CDC42BPA: variants seen among roughly 807,000 people sequenced by gnomAD.
The protein encoded by CDC42BPA is CDC42 binding protein kinase alpha.
A neutral mutation model predicts 223.5 loss-of-function variants in CDC42BPA; 80 were observed. The ratio of observed to expected loss-of-function variants is 0.36; its 90% CI spans 0.30 to 0.43. CDC42BPA has a LOEUF of 0.43. Ranked by LOEUF, CDC42BPA falls within the 20% of genes least tolerant of loss-of-function variation. The probability of loss-of-function intolerance (pLI) is 1.00; values close to 1 mark genes in which losing one functional copy is unlikely to be tolerated. For missense variants in CDC42BPA, 1,743 were observed against 2,099.9 expected, an observed-to-expected ratio of 0.83 and a Z score of 3.32; for synonymous variants, 694 against 718.6, an observed-to-expected ratio of 0.97 and a Z score of 0.55.
chr1:227,109,095 A>G (rs1572861477), intron 14 of CDC42BPA, among the ~76,000 whole-genome samples: 1 of 152,310 alleles, frequency 6.6e-6, no homozygotes, highest in East Asian at 1.9e-4. Flanking sequence ...TATGTCATAT[A>G]GAGCATTATG....
intron 2 of CDC42BPA, among the ~76,000 whole-genome samples, chr1:227,245,002 G>C (rs1338586899): frequency 2.0e-5 from 3 of 152,224 alleles, no homozygotes; most frequent in Non-Finnish European, 4.4e-5. Flanking sequence ...ACCCATCCCA[G>C]CAAGTCAGAA....
chr1:227,136,164 A>G (rs1008140253), intron 10 of CDC42BPA, among the ~76,000 whole-genome samples: 1 of 152,158 alleles, frequency 6.6e-6, no homozygotes, highest in Admixed American at 6.5e-5. Context: ...AAAAATACAT[A>G]AAAATATGGG....
At chr1:227,203,379 C>T (rs943246822) in intron 3 of CDC42BPA, among the ~76,000 whole-genome samples, 5 of 152,024 alleles carry the variant, frequency 3.3e-5, no homozygotes, top group South Asian at 2.1e-4. Context: ...ACACGACAAC[C>T]CCTCCAACAA....
chr1:227,294,042 C>T (rs1316157145), intron 1 of CDC42BPA, among the ~76,000 whole-genome samples: 3 of 151,940 alleles, frequency 2.0e-5, no homozygotes, highest in South Asian at 2.1e-4. Flanking sequence ...GAGGCTGAGG[C>T]GGGTGGATCA....
chr1:227,277,308 G>C (rs1687272127), intron 1 of CDC42BPA, among the ~76,000 whole-genome samples: 1 of 152,036 alleles, frequency 6.6e-6, no homozygotes, highest in South Asian at 2.1e-4. Context: ...GAAAACTCCA[G>C]AATGAGATGG....
At chr1:227,281,064 C>T (rs1687939880) in intron 1 of CDC42BPA, among the ~76,000 whole-genome samples, 1 of 152,182 alleles carries the variant, frequency 6.6e-6, no homozygotes, top group South Asian at 2.1e-4. Flanking sequence ...CCACATTCTC[C>T]CAAATTCCAA....
chr1:227,311,725 TA>T (rs55674142), intron 1 of CDC42BPA, among the ~76,000 whole-genome samples: 30,433 of 145,250 alleles, frequency 0.21, 3,070 homozygotes, highest in Middle Eastern at 0.27. Context: ...TACCCAATCA[TA>T]AAAAAAAAAA....
chr1:227,006,325 AG>A (rs1199266614), intron 34 of CDC42BPA, among the ~76,000 whole-genome samples: 1 of 152,080 alleles, frequency 6.6e-6, no homozygotes, highest in Non-Finnish European at 1.5e-5. Flanking sequence ...GCTGTTTGTG[AG>A]GGTGTGCCAT....
In CDC42BPA at chr1:227,112,754, T is replaced by G; in HGVS notation, c.1807A>C (p.Lys603Gln). The change falls in exon 13 of 37, where the codon AAG (lysine) becomes CAG (glutamine). Residue 603 changes from lysine (K) to glutamine (Q), a missense_variant. By Grantham distance (53) the Lys-to-Gln change is moderately conservative. This residue lies in a region of CDC42BPA where 464 missense variants were observed against 488.0 expected (regional missense o/e 0.95). Coordinates refer to ENST00000366766, the MANE Select transcript of CDC42BPA (RefSeq NM_001394014.1). ...KQKLARHVRD[K>Q]EEEVDLVMQK... ...ATCACCAGGTCCACCTCTTCTTCCTTATCTCGGACATGGCGAGCAAGTTTC... is the reference window on the plus strand; with the variant it reads ...ATCACCAGGTCCACCTCTTCTTCCTGATCTCGGACATGGCGAGCAAGTTTC... 1 of 1,614,124 alleles carries G rather than the reference T, an allele frequency of 6.2e-7. No individual in the cohort carries two copies. The highest frequency in any genetic ancestry group is 2.2e-5 in the East Asian group (1 of 44,882).
chr1:227,110,464 A>G (rs12127665), intron 14 of CDC42BPA, among the ~76,000 whole-genome samples: 21,372 of 152,152 alleles, frequency 0.14, 1,886 homozygotes, highest in South Asian at 0.34. Flanking sequence ...TTTATTGTAG[A>G]AAAAAATAAA....
At chr1:227,055,148 A>T (rs1321727313) in intron 21 of CDC42BPA, among the ~76,000 whole-genome samples, 1 of 152,040 alleles carries the variant, frequency 6.6e-6, no homozygotes, top group African/African-American at 2.4e-5. Context: ...AAAGGTGAAT[A>T]AACTCAGGGC....
Position 226,994,947 on chromosome 1 carries a change from C to T in CDC42BPA, c.5009G>A (p.Arg1670Lys). ...SSAQNGSALKREFSGGSYSAK... is the reference protein window; with the variant it reads ...SSAQNGSALKKEFSGGSYSAK... ...ACTGTAGCTTCCTCCAGAGAATTCC[C>T]TCTTTAATGCGCTGCCATTCTGTGC... The change falls in exon 36 of 37, where the codon AGG (arginine) becomes AAG (lysine). Residue 1670 changes from arginine to lysine, a missense_variant. This residue lies in a region of CDC42BPA where 200 missense variants were observed against 192.8 expected (regional missense o/e 1.04). Transcript: ENST00000366766. The surrounding 1 kb of genome is among the most constrained non-coding windows in gnomAD (Gnocchi z 4.0). 1 of 1,614,158 alleles carries T rather than the reference C, an allele frequency of 6.2e-7. No homozygotes were observed.
intron 1 of CDC42BPA, among the ~76,000 whole-genome samples, chr1:227,266,577 T>A (rs1214834266): frequency 6.6e-6 from 1 of 152,180 alleles, no homozygotes; most frequent in African/African-American, 2.4e-5. Flanking sequence ...TATAATTCTA[T>A]CCAGTGAAAG....
chr1:227,282,145 G>A (rs1278417174), intron 1 of CDC42BPA, among the ~76,000 whole-genome samples: 1 of 144,242 alleles, frequency 6.9e-6, no homozygotes, highest in African/African-American at 2.6e-5. Flanking sequence ...TCGAGATTGC[G>A]CCATTGCACT....
At chr1:227,266,545 A>T (rs780531147) in intron 1 of CDC42BPA, among the ~76,000 whole-genome samples, 1 of 152,232 alleles carries the variant, frequency 6.6e-6, no homozygotes, top group African/African-American at 2.4e-5. Flanking sequence ...GCTCTTAAAA[A>T]ATATTAAGCA....
Position 227,168,497 on chromosome 1 carries a change from G to GTTTTTTTTTTTTTTTT in CDC42BPA, c.600-7877_600-7862dup, listed in dbSNP as rs1292387936. Among the ~76,000 whole-genome samples, 124 of 80,202 alleles carry GTTTTTTTTTTTTTTTT rather than the reference G, an allele frequency of 1.5e-3. 19 individuals are homozygous for GTTTTTTTTTTTTTTTT. The highest frequency in any genetic ancestry group is 4.8e-3 in the African/African-American group (96 of 20,198). 52.6% of individuals were successfully genotyped at this position (80,202 alleles called of 152,430 possible). ...CTTTTTCATATTTATCTTCCCTGGT[G>GTTTTTTTTTTTTTTTT]TTTTTTTTTTTTTTTTGAGGCAGAG... On this transcript the variant is annotated intron_variant, in intron 5 of 36. Transcript: ENST00000366766.
At chr1:227,143,573 C>A (rs1660099337) in intron 8 of CDC42BPA, among the ~76,000 whole-genome samples, 1 of 152,162 alleles carries the variant, frequency 6.6e-6, no homozygotes, top group Admixed American at 6.5e-5. Flanking sequence ...AGTGCTGAAG[C>A]GCTGTCTAGT....
intron 1 of CDC42BPA, among the ~76,000 whole-genome samples, chr1:227,302,094 T>C (rs1242821606): frequency 6.6e-6 from 1 of 152,134 alleles, no homozygotes; most frequent in Non-Finnish European, 1.5e-5. Flanking sequence ...TGGTGCAAAG[T>C]TGTCATTTTG....
chr1:227,132,785 C>T (rs1657477389), intron 10 of CDC42BPA, among the ~76,000 whole-genome samples: 1 of 151,066 alleles, frequency 6.6e-6, no homozygotes, highest in Non-Finnish European at 1.5e-5. Context: ...GCCCCGCCGC[C>T]CCGTCTGGGA....
Sources: gnomAD v4.1 joint callset for allele counts (sites outside exome capture counted in the v4.1 genomes callset) on GRCh38, gnomAD v4.1.1 for gene constraint, gnomAD v4.1.1 regional missense constraint, Gnocchi (gnomAD v3.1) non-coding constraint, MANE v1.5 for transcripts, NCBI Gene and HGNC (gene_info 2026-07-23, HGNC 2026-07-21) for gene names.